Variants in NECAP1 observed in about 807,000 individuals in gnomAD.
NECAP1 encodes the protein NECAP endocytosis associated 1.
Under a neutral mutation model 33.4 loss-of-function variants are expected in NECAP1, and 13 were observed. The observed-to-expected ratio is 0.39, with a 90% confidence interval of 0.25 to 0.62. The LOEUF is 0.62. NECAP1 is among the 20% of genes least tolerant of loss of function. The pLI is 0.52. For synonymous variants in NECAP1, 109 were observed against 125.2 expected, an observed-to-expected ratio of 0.87 and a Z score of 0.86; for missense variants, 272 against 347.4, an observed-to-expected ratio of 0.78 and a Z score of 1.73.
intron 1 of NECAP1, among the ~76,000 whole-genome samples, chr12:8,085,041 A>G (rs1947474299): frequency 6.6e-6 from 1 of 150,906 alleles, no homozygotes; most frequent in Non-Finnish European, 1.5e-5. Context: ...TTTTTTTGAG[A>G]TGGAGTCTGG....
At chr12:8,095,495 G>T (rs1036124332) in intron 6 of NECAP1, 106 bp from the exon 7 acceptor site, 7 of 687,962 alleles carry the variant, frequency 1.0e-5, no homozygotes, top group East Asian at 7.0e-5. Flanking sequence ...TGATCCACCC[G>T]CCTCGGCCTC....
chr12:8,086,937 A>G (rs1288253798), intron 1 of NECAP1, among the ~76,000 whole-genome samples: 1 of 151,448 alleles, frequency 6.6e-6, no homozygotes, highest in Admixed American at 6.6e-5. Flanking sequence ...TTACACACAC[A>G]CACACACACA....
chr12:8,092,309 T>G, intron 4 of NECAP1: 1 of 260,922 alleles, frequency 3.8e-6, no homozygotes, highest in Non-Finnish European at 7.4e-6. Context: ...ATCTCTCCTT[T>G]TCTGCCTTAG....
intron 6 of NECAP1, chr12:8,094,835 T>G (rs1389235062): frequency 2.0e-5 from 3 of 152,212 alleles, no homozygotes; most frequent in Admixed American, 2.0e-4. Context: ...AACAGTTTAA[T>G]CACTACAAAG....
intron 1 of NECAP1, 33 bp from the exon 2 acceptor site, chr12:8,089,903 A>G (rs1165043512): frequency 2.6e-6 from 4 of 1,523,498 alleles, no homozygotes; most frequent in East Asian, 2.2e-5. Context: ...AATTAAGGAC[A>G]TGTGCCTGAG....
At position 8,095,491 on chromosome 12, in the gene NECAP1, A is replaced by G. The variant is rs930619319; in HGVS notation, c.677-110A>G. On this transcript the variant is annotated intron_variant, in intron 6 of 7. Coordinates refer to ENST00000339754, the MANE Select transcript of NECAP1 (RefSeq NM_015509.4). Reference sequence around the variant, plus strand: ...TCTCGATCTCCTGACCTCATGATCCACCCGCCTCGGCCTCCCAAAGTGCTG... The same window carrying G: ...TCTCGATCTCCTGACCTCATGATCCGCCCGCCTCGGCCTCCCAAAGTGCTG... 20 of 643,398 alleles carry G rather than the reference A, an allele frequency of 3.1e-5. No individual in the cohort carries two copies. In the East Asian group the frequency reaches 5.0e-4, roughly 16 times the overall value. 39.9% of individuals were successfully genotyped at this position (643,398 alleles called of 1,614,324 possible).
chr12:8,090,168 C>T, intron 2 of NECAP1, 27 bp from the exon 3 acceptor site: 1 of 1,612,084 alleles, frequency 6.2e-7, no homozygotes, highest in Non-Finnish European at 8.5e-7. Flanking sequence ...TTGCTTTACT[C>T]AAAAAAGTCT....
chr12:8,082,757 TTCTC>T (rs144432288), intron 1 of NECAP1: 8 of 136,406 alleles, frequency 5.9e-5, no homozygotes, highest in African/African-American at 1.8e-4. Context: ...TCCTCATCCT[TTCTC>T]TCTCTCTCTC....
chr12:8,096,454 C>T lies in NECAP1; in HGVS notation c.*364C>T, dbSNP rs1062836. ...TTTCTTTAACTTATTTCAAAATCAT[C>T]TCATGACCCTTGTGTGCCTCTTTGT... On this transcript the variant is annotated 3_prime_UTR_variant, in exon 8 of 8. Transcript: ENST00000339754. 1 of 175,486 alleles carries T rather than the reference C, an allele frequency of 5.7e-6. No individual in the cohort carries two copies. The highest frequency in any genetic ancestry group is 6.2e-5 in the Admixed American group (1 of 16,156). 10.9% of individuals were successfully genotyped at this position (175,486 alleles called of 1,614,324 possible).
Position 8,082,593 on chromosome 12 carries a change from G to GT in NECAP1, c.95+216dup, listed in dbSNP as rs1591593587. ...TTTCTGCCGTTTTTTTTTTTGTTTT[G>GT]TTTTTTATTAAATTACCACTCTGCG... On this transcript the variant is annotated intron_variant, in intron 1 of 7. Transcript: ENST00000339754. 1.4e-4 allele frequency among the ~76,000 whole-genome samples: 21 copies of GT among 148,974 alleles called. No homozygotes were observed. In the East Asian group the frequency reaches 4.1e-3, roughly 29 times the overall value.
intron 7 of NECAP1, 41 bp downstream of exon 7, chr12:8,095,744 G>A (rs1163115251): frequency 1.3e-6 from 2 of 1,529,408 alleles, no homozygotes; most frequent in East Asian, 2.2e-5. Flanking sequence ...CAATCAGGGT[G>A]TAGGAGATAT....
At chr12:8,082,702 C>CCTTTCCTG (rs1211404017) in intron 1 of NECAP1, 1 of 309,450 alleles carries the variant, frequency 3.2e-6, no homozygotes, top group East Asian at 6.3e-5. Flanking sequence ...TGCTCCATTG[C>CCTTTCCTG]CAGTCCCCTT....
At chr12:8,095,471 A>G in intron 6 of NECAP1, 130 bp from the exon 7 acceptor site, 5 of 528,536 alleles carry the variant, frequency 9.5e-6, no homozygotes, top group South Asian at 9.0e-5. Context: ...GATGGTCTCG[A>G]TCTCCTGACC....
rs1947528448 is a variant in NECAP1, at chr12:8,090,018, C to T, written c.178C>T (p.Leu60Phe). The change falls in exon 2 of 8, where the codon CTC (leucine) becomes TTC (phenylalanine). Residue 60 changes from leucine (L) to phenylalanine (F), a missense_variant. Physicochemically the swap from Leu to Phe is conservative, Grantham distance 22. Transcript: ENST00000339754. ...TSKGKTAYIK[L>F]EDKVSGELFA... ...AAAAGGGAAGACTGCCTATATCAAA[C>T]TCGAGGATAAAGTTTCAGGTAATCT... 1.2e-6 allele frequency: 2 copies of T among 1,613,946 alleles called. No individual in the cohort carries two copies. The highest frequency in any genetic ancestry group is 2.2e-5 in the South Asian group (2 of 91,074).
chr12:8,086,405 G>A (rs1164438783), intron 1 of NECAP1, among the ~76,000 whole-genome samples: 2 of 152,012 alleles, frequency 1.3e-5, no homozygotes, highest in African/African-American at 4.8e-5. Flanking sequence ...TTAAGGTCAG[G>A]AGTTCCAGAC....
intron 1 of NECAP1, among the ~76,000 whole-genome samples, chr12:8,087,545 A>T (rs2120468597): frequency 6.9e-6 from 1 of 145,814 alleles, no homozygotes. Flanking sequence ...TTTTTTAGAG[A>T]CAGGGTCTCA....
chr12:8,092,814 C>A (rs1217638022), intron 5 of NECAP1, 30 bp downstream of exon 5: 1 of 1,600,628 alleles, frequency 6.2e-7, no homozygotes, highest in Non-Finnish European at 8.5e-7. Flanking sequence ...ATTTTGTTTT[C>A]CTGTGCTTCC....
intron 3 of NECAP1, chr12:8,090,508 T>C (rs1947533472): frequency 1.9e-6 from 1 of 534,498 alleles, no homozygotes; most frequent in Non-Finnish European, 3.3e-6. Flanking sequence ...AATTCATATG[T>C]AGACTTAAAT....
intron 1 of NECAP1, among the ~76,000 whole-genome samples, chr12:8,083,241 C>T (rs149241515): frequency 6.0e-4 from 91 of 151,932 alleles, no homozygotes; most frequent in Admixed American, 3.8e-3. Flanking sequence ...TGAGTGTGAG[C>T]CCTTTCCAAG....
Sources: gnomAD v4.1 joint callset for allele counts (sites outside exome capture counted in the v4.1 genomes callset) on GRCh38, gnomAD v4.1.1 for gene constraint, MANE v1.5 for transcripts, NCBI Gene and HGNC (gene_info 2026-07-23, HGNC 2026-07-21) for gene names.